WDR20: variants seen among roughly 807,000 people sequenced by gnomAD.
WDR20 encodes WD repeat-containing protein 20.
Under a neutral mutation model 38.7 loss-of-function variants are expected in WDR20, and 3 were observed. That is an observed-to-expected ratio of 0.08 (90% CI 0.04 to 0.20). The LOEUF (loss-of-function observed/expected upper bound fraction) is 0.20. Ranked by LOEUF, WDR20 falls within the 10% of genes least tolerant of loss-of-function variation. WDR20 has a pLI of 1.00. For missense variants in WDR20, 559 were observed against 727.7 expected (o/e 0.77, Z 2.67); for synonymous variants, 298 against 285.6 (o/e 1.04, Z -0.44).
At chr14:102,174,377 G>A (rs775077112) in intron 1 of WDR20, among the ~76,000 whole-genome samples, 10 of 152,018 alleles carry the variant, frequency 6.6e-5, no homozygotes, top group Non-Finnish European at 1.3e-4. Context: ...AAAAGTGCTC[G>A]CTTTTCACCA....
chr14:102,194,803 A>G, intron 1 of WDR20, 135 bp from the exon 2 acceptor site: 2 of 934,694 alleles, frequency 2.1e-6, no homozygotes, highest in Non-Finnish European at 3.2e-6. Context: ...GATGATGTTA[A>G]GTCACAACTG....
chr14:102,165,373 CAGCT>C (rs2059544908), intron 1 of WDR20, among the ~76,000 whole-genome samples: 1 of 152,062 alleles, frequency 6.6e-6, no homozygotes, highest in East Asian at 1.9e-4. Context: ...TTCAAAGAGT[CAGCT>C]AGTATCTGCT....
At position 102,208,710 on chromosome 14, in the gene WDR20, G is replaced by A. The variant is rs2062009700; in HGVS notation, c.540G>A (p.Glu180=). 2 of 1,614,098 alleles carry A rather than the reference G, an allele frequency of 1.2e-6. No individual in the cohort carries two copies. The highest frequency in any genetic ancestry group is 8.5e-7 in the Non-Finnish European group (1 of 1,180,054). Reference sequence around the variant, plus strand: ...GGAACATGTACTTATATAATGTGGAGCACACTTGTGGCACCACAGCCCCCC... The same window carrying A: ...GGAACATGTACTTATATAATGTGGAACACACTTGTGGCACCACAGCCCCCC... ...SSGNMYLYNV[E]HTCGTTAPHY... Residue 180 remains glutamate, a synonymous_variant, in exon 3 of 3, where the codon GAG becomes GAA. Coordinates refer to ENST00000342702, the MANE Select transcript of WDR20 (RefSeq NM_144574.4). This position sits in a 1 kb window ranked among gnomAD's most constrained non-coding sequence, Gnocchi z 5.6.
intron 2 of WDR20, chr14:102,197,620 GATAAATTGGAACCAGCTTGTCTT>G (rs1170229525): frequency 3.3e-6 from 2 of 597,980 alleles, no homozygotes; most frequent in Non-Finnish European, 6.0e-6. Flanking sequence ...AAGCTGGAAA[GATAAATTGGAACCAGCTTGTCTT>G]ATAAAAGCCT....
downstream of WDR20, chr14:102,214,166 TG>T: frequency 1.0e-6 from 1 of 985,616 alleles, no homozygotes; most frequent in Non-Finnish European, 1.2e-6. Context: ...TCGGGTGACC[TG>T]GAGACGCCTC....
rs1290432925 is a variant in WDR20 at position 102,172,526 on chromosome 14, C to T, written c.250-22412C>T. The stretch of plus-strand genomic sequence containing the variant: ...TCACCTCCCGGACGGGGCGGCTGGC[C>T]GGGCGGGGGGCTGACCCCCCACCTC... On this transcript the variant is annotated intron_variant, in intron 1 of 2. Transcript: ENST00000342702. 6.3e-3 allele frequency among the ~76,000 whole-genome samples: 923 copies of T among 147,298 alleles called. 4 individuals are homozygous for T. Among genetic ancestry groups the T allele is most frequent in the African/African-American group, 0.022 (874 of 40,452 alleles).
At position 102,178,150 on chromosome 14, in the gene WDR20, G is replaced by A. The variant is rs764921215; in HGVS notation, c.250-16788G>A. Reference sequence around the variant, plus strand: ...CTCATGCCTGTAATCCCAGCACTTTGGGAGGCTGAGGTGGGTGGATCGCTT... The same window carrying A: ...CTCATGCCTGTAATCCCAGCACTTTAGGAGGCTGAGGTGGGTGGATCGCTT... On this transcript the variant is annotated intron_variant, in intron 1 of 2. Coordinates refer to ENST00000342702, the MANE Select transcript of WDR20 (RefSeq NM_144574.4). Among the ~76,000 whole-genome samples, 328 of 151,942 alleles carry A rather than the reference G, an allele frequency of 2.2e-3. 2 individuals are homozygous for A. The highest frequency in any genetic ancestry group is 4.0e-3 in the Non-Finnish European group (274 of 67,808).
intron 1 of WDR20, among the ~76,000 whole-genome samples, chr14:102,141,350 A>G (rs1002764998): frequency 1.3e-5 from 2 of 152,238 alleles, no homozygotes; most frequent in Non-Finnish European, 2.9e-5. Flanking sequence ...GAGCTAGGGA[A>G]ATGACAGTGG....
intron 2 of WDR20, among the ~76,000 whole-genome samples, chr14:102,196,178 G>T (rs150680078): frequency 2.6e-5 from 4 of 152,188 alleles, no homozygotes; most frequent in Non-Finnish European, 5.9e-5. Context: ...TCCACCCAGG[G>T]TGCTCCTGTT....
chr14:102,158,208 C>G (rs2057883560), intron 1 of WDR20, among the ~76,000 whole-genome samples: 1 of 152,158 alleles, frequency 6.6e-6, no homozygotes, highest in Non-Finnish European at 1.5e-5. Context: ...ATCTGTGCTG[C>G]CTACACTCCC....
chr14:102,155,170 TG>T (rs2057071445), intron 1 of WDR20, among the ~76,000 whole-genome samples: 1 of 152,252 alleles, frequency 6.6e-6, no homozygotes, highest in Non-Finnish European at 1.5e-5. Context: ...TTTCATTTTT[TG>T]TAAATAGAGA....
Position 102,210,416 on chromosome 14 carries a change from T to C in WDR20, c.*536T>C. 2.0e-6 allele frequency: 2 copies of C among 985,500 alleles called. No homozygotes were observed. Among genetic ancestry groups the C allele is most frequent in the Non-Finnish European group, 2.4e-6 (2 of 829,946 alleles). The allele number at this position is 985,500 out of a possible 1,614,324, so 61.0% of individuals were successfully genotyped here. A position where few individuals can be genotyped will look rare whatever the true frequency, so the allele number is the denominator to read the frequency against. ...CGTTTAGCAGGGTTGATTGATATTA[T>C]TTTTACATTGTTCTGGCAATCCACA... On this transcript the variant is annotated 3_prime_UTR_variant, in exon 3 of 3. Coordinates refer to ENST00000342702, the MANE Select transcript of WDR20 (RefSeq NM_144574.4).
chr14:102,197,712 C>A, intron 2 of WDR20: 1 of 684,878 alleles, frequency 1.5e-6, no homozygotes, highest in South Asian at 1.5e-5. Flanking sequence ...GAACCTTTGG[C>A]CTTTTAATGA....
chr14:102,210,470 CCATTTTAGT>C lies in WDR20; in HGVS notation c.*598_*606del. 1 of 985,080 alleles carries C rather than the reference CCATTTTAGT, an allele frequency of 1.0e-6. No individual in the cohort carries two copies. The highest frequency in any genetic ancestry group is 1.2e-6 in the Non-Finnish European group (1 of 829,722). 61.0% of individuals were successfully genotyped at this position (985,080 alleles called of 1,614,324 possible). A position where few individuals can be genotyped will look rare whatever the true frequency, so the allele number is the denominator to read the frequency against. ...AGAGAAGAGCCTTAATTTTTAAAACCCATTTTAGTCATTTTATGACAATTAAAGTTGTTT... is the reference window on the plus strand; with the variant it reads ...AGAGAAGAGCCTTAATTTTTAAAACCCATTTTATGACAATTAAAGTTGTTT... On this transcript the variant is annotated 3_prime_UTR_variant, in exon 3 of 3. Transcript: ENST00000342702.
chr14:102,222,422 C>T lies in WDR20; in HGVS notation c.1693-408C>T, dbSNP rs970048921. ...GGAGACAACCCCTGGCTCCGAGGGA[C>T]TGGGTGTGCGGTCCAGAACTGCGGT... On this transcript the variant is annotated intron_variant, in intron 3 of 3. Coordinates refer to the WDR20 transcript ENST00000335263. This position sits in a 1 kb window ranked among gnomAD's most constrained non-coding sequence, Gnocchi z 4.4. Among the ~76,000 whole-genome samples the T allele has an allele frequency of 6.6e-6, 1 of 152,222 alleles. No individual in the cohort carries two copies. The highest frequency in any genetic ancestry group is 1.5e-5 in the Non-Finnish European group (1 of 68,040).
At chr14:102,191,887 A>G (rs1168507685) in intron 1 of WDR20, among the ~76,000 whole-genome samples, 4 of 152,238 alleles carry the variant, frequency 2.6e-5, no homozygotes, top group Non-Finnish European at 4.4e-5. Flanking sequence ...ATTTTAGTCT[A>G]TGTGGATTGA....
At position 102,208,574 on chromosome 14, in the gene WDR20, T is replaced by C. The variant is rs767678839; in HGVS notation, c.433-29T>C. ...GTAGACCTTTGAGACTTCTCCGTTG[T>C]GCTAACTTGTTCTCCTTTGTCTTCA... is the stretch of plus-strand genomic sequence containing the variant. On this transcript the variant is annotated intron_variant, in intron 2 of 2. Coordinates refer to ENST00000342702, the MANE Select transcript of WDR20 (RefSeq NM_144574.4). The surrounding 1 kb of genome is among the most constrained non-coding windows in gnomAD (Gnocchi z 5.6). The C allele has an allele frequency of 1.2e-5, 19 of 1,570,598 alleles. No homozygotes were observed. Among genetic ancestry groups the C allele is most frequent in the Middle Eastern group, 1.7e-4 (1 of 5,848 alleles).
intron 1 of WDR20, among the ~76,000 whole-genome samples, chr14:102,149,985 A>G (rs1009488923): frequency 1.3e-5 from 2 of 152,076 alleles, no homozygotes; most frequent in Non-Finnish European, 2.9e-5. Context: ...GAGCCACCGC[A>G]CCCAGACGTC....
rs2063806597 is a variant in WDR20, at chr14:102,220,840, C to T, written c.1693-1990C>T. Among the ~76,000 whole-genome samples, 1 of 152,190 alleles carries T rather than the reference C, an allele frequency of 6.6e-6. No homozygotes were observed. Among genetic ancestry groups the T allele is most frequent in the Middle Eastern group, 3.4e-3 (1 of 294 alleles). On this transcript the variant is annotated intron_variant, in intron 3 of 3. Transcript: ENST00000335263. The surrounding 1 kb of genome is among the most constrained non-coding windows in gnomAD (Gnocchi z 4.2). ...CAGGCTGGAGTGCAGTGGATCGCGGCTCATTGCACCCTGCATCTCCTGGGC... is the reference window on the plus strand; with the variant it reads ...CAGGCTGGAGTGCAGTGGATCGCGGTTCATTGCACCCTGCATCTCCTGGGC...
Sources: gnomAD v4.1 joint callset for allele counts (sites outside exome capture counted in the v4.1 genomes callset) on GRCh38, gnomAD v4.1.1 for gene constraint, Gnocchi (gnomAD v3.1) non-coding constraint, MANE v1.5 for transcripts, NCBI Gene and HGNC (gene_info 2026-07-23, HGNC 2026-07-21) for gene names.